Variants in SYNJ2 observed in about 807,000 individuals in gnomAD.
SYNJ2 encodes polyphosphatidylinositol phosphatase SYNJ2.
In SYNJ2, 116 loss-of-function variants were observed where a neutral mutation model predicts 141.3. The observed-to-expected ratio is 0.82, with a 90% CI of 0.71 to 0.96. The LOEUF is 0.96. Among genes scored for constraint, SYNJ2 ranks in the 40% least tolerant of loss-of-function variants. The probability of loss-of-function intolerance (pLI) is 0.00; values close to 1 mark genes in which losing one functional copy is unlikely to be tolerated. For missense variants in SYNJ2, 1,873 were observed against 1,934.8 expected (o/e 0.97, Z 0.60); for synonymous variants, 745 against 777.7 (o/e 0.96, Z 0.70).
At chr6:158,091,113 C>T (rs934668663) in intron 25 of SYNJ2, among the ~76,000 whole-genome samples, 36 of 151,066 alleles carry the variant, frequency 2.4e-4, no homozygotes, top group African/African-American at 8.0e-4. Context: ...GACAGGAAAT[C>T]GAGACCATCC....
intron 12 of SYNJ2, chr6:158,067,687 T>C: frequency 1.0e-6 from 1 of 985,406 alleles, no homozygotes. Flanking sequence ...GCCCCACAGC[T>C]GCCTGGGTAG....
In SYNJ2 at chr6:158,095,227, AC is replaced by A. The variant is rs199899469; in HGVS notation, c.3745-388del. 6.8e-4 allele frequency among the ~76,000 whole-genome samples: 103 copies of A among 152,214 alleles called. 1 individual carries two copies. The East Asian group carries it at 0.016, about 23-fold the overall frequency. Reference sequence around the variant, plus strand: ...CTTATGTTGTAACACAAGTTACTTCACCCTAGCATGATACAGACCATGAATC... The same window carrying A: ...CTTATGTTGTAACACAAGTTACTTCACCTAGCATGATACAGACCATGAATC... On this transcript the variant is annotated intron_variant, in intron 26 of 26. Transcript: ENST00000355585.
chr6:158,089,860 A>G lies in SYNJ2; in HGVS notation c.3478A>G (p.Ser1160Gly), dbSNP rs772466864. The G allele has an allele frequency of 6.2e-7, 1 of 1,613,902 alleles. No individual in the cohort carries two copies. The highest frequency in any genetic ancestry group is 8.5e-7 in the Non-Finnish European group (1 of 1,179,950). ...QQPPKARTGI[S>G]KPYNVKQIKT... ...CAAGCCCAAGGCTCGGACTGGAATAAGTAAACCTTATAATGTCAAGCAGAT... is the reference window on the plus strand; with the variant it reads ...CAAGCCCAAGGCTCGGACTGGAATAGGTAAACCTTATAATGTCAAGCAGAT... The change falls in exon 25 of 27, where the codon AGT becomes GGT. Residue 1160 changes from serine (S) to glycine (G), a missense_variant. Coordinates refer to ENST00000355585, the MANE Select transcript of SYNJ2 (RefSeq NM_003898.4).
intron 20 of SYNJ2, among the ~76,000 whole-genome samples, chr6:158,082,487 CAAAAAAAAA>C (rs769884420): frequency 1.9e-4 from 14 of 75,314 alleles, no homozygotes; most frequent in African/African-American, 6.1e-4. Flanking sequence ...ACTCTGTCTC[CAAAAAAAAA>C]AAAAAAAAAA....
intron 1 of SYNJ2, among the ~76,000 whole-genome samples, chr6:158,004,875 G>A (rs909281974): frequency 6.6e-6 from 1 of 151,424 alleles, no homozygotes; most frequent in Non-Finnish European, 1.5e-5. Flanking sequence ...TGAGTCTGGC[G>A]CTTGTTCTTG....
At position 158,029,014 on chromosome 6, in the gene SYNJ2, A is replaced by T. The variant is rs746897372; in HGVS notation, c.473A>T (p.Asn158Ile). ...KQGDDSSEWG[N>I]SFFWNQLLHV... is the part of the protein sequence containing the mutation. The stretch of plus-strand genomic sequence containing the variant: ...GGGGATGACAGCTCTGAATGGGGGA[A>T]CTCCTTCTTCTGGTGAGGCCCTGGG... The change falls in exon 3 of 27, where the codon AAC (asparagine) becomes ATC (isoleucine). Residue 158 changes from asparagine (N) to isoleucine (I), a missense_variant. Asn to Ile is a moderately radical substitution (Grantham distance 149). Coordinates refer to ENST00000355585, the MANE Select transcript of SYNJ2 (RefSeq NM_003898.4). 2.1e-6 allele frequency: 3 copies of T among 1,431,336 alleles called. No individual in the cohort carries two copies. Among genetic ancestry groups the T allele is most frequent in the Non-Finnish European group, 2.8e-6 (3 of 1,089,694 alleles). The allele number at this position is 1,431,336 out of a possible 1,614,324, so 88.7% of individuals were successfully genotyped here. A position where few individuals can be genotyped will look rare whatever the true frequency, so the allele number is the denominator to read the frequency against.
Position 158,037,969 on chromosome 6 carries a change from G to A in SYNJ2, c.711+4289G>A, listed in dbSNP as rs916722594. Among the ~76,000 whole-genome samples the A allele has an allele frequency of 2.0e-5, 3 of 152,204 alleles. 1 individual carries two copies. Among genetic ancestry groups the A allele is most frequent in the African/African-American group, 7.2e-5 (3 of 41,448 alleles). The stretch of plus-strand genomic sequence containing the variant: ...GCTGGGCCTTGGCTCTGGCCACTTC[G>A]TGTCGCGTGCCTGCTGACTGGCGCT... On this transcript the variant is annotated intron_variant, in intron 4 of 26. Coordinates refer to ENST00000355585, the MANE Select transcript of SYNJ2 (RefSeq NM_003898.4).
chr6:158,076,510 A>G (rs1782298757), intron 16 of SYNJ2, 116 bp from the exon 17 acceptor site: 1 of 1,181,780 alleles, frequency 8.5e-7, no homozygotes, highest in African/African-American at 1.5e-5. Flanking sequence ...TTCAAATGTA[A>G]TGGAGCTTCT....
intron 1 of SYNJ2, among the ~76,000 whole-genome samples, chr6:158,011,434 A>G (rs1465718110): frequency 2.6e-5 from 4 of 152,204 alleles, no homozygotes; most frequent in African/African-American, 7.2e-5. Flanking sequence ...CCTGTCCACC[A>G]TGGTCAAGGC....
chr6:158,083,055 C>A (rs1782801183), intron 20 of SYNJ2, among the ~76,000 whole-genome samples: 1 of 151,976 alleles, frequency 6.6e-6, no homozygotes, highest in South Asian at 2.1e-4. Flanking sequence ...GCCTCAGCCT[C>A]CCGAGTAGCT....
At chr6:158,019,655 G>A (rs1778655739) in intron 2 of SYNJ2, among the ~76,000 whole-genome samples, 1 of 152,214 alleles carries the variant, frequency 6.6e-6, no homozygotes, top group African/African-American at 2.4e-5. Context: ...GAGGCTTCTT[G>A]TGGACCATGC....
chr6:158,000,491 G>A (rs1777804653), intron 1 of SYNJ2, among the ~76,000 whole-genome samples: 2 of 152,260 alleles, frequency 1.3e-5, no homozygotes, highest in South Asian at 4.1e-4. Flanking sequence ...TCTAACCCAG[G>A]TGAGAAAACA....
Position 158,040,242 on chromosome 6 carries a change from ATGTGCAT to A in SYNJ2, c.712-3065_712-3059del, listed in dbSNP as rs1562348312. The stretch of plus-strand genomic sequence containing the variant: ...TGTGTTGTACATGTGTGTATGTGTC[ATGTGCAT>A]TGTGCATTTGTGTATACATGTGTGT... On this transcript the variant is annotated intron_variant, in intron 4 of 26. Transcript: ENST00000355585. The surrounding 1 kb of genome is among the most constrained non-coding windows in gnomAD (Gnocchi z 4.2). Among the ~76,000 whole-genome samples, 1 of 151,872 alleles carries A rather than the reference ATGTGCAT, an allele frequency of 6.6e-6. No homozygotes were observed. Among genetic ancestry groups the A allele is most frequent in the Non-Finnish European group, 1.5e-5 (1 of 67,996 alleles).
chr6:158,031,866 T>G (rs1779382663), intron 3 of SYNJ2, among the ~76,000 whole-genome samples: 1 of 152,182 alleles, frequency 6.6e-6, no homozygotes, highest in African/African-American at 2.4e-5. Context: ...GGTTGTCCAC[T>G]TGGCAAAAGG....
At chr6:157,987,950 A>G (rs1251643323) in intron 1 of SYNJ2, among the ~76,000 whole-genome samples, 1 of 152,214 alleles carries the variant, frequency 6.6e-6, no homozygotes, top group African/African-American at 2.4e-5. Flanking sequence ...TCTGCTGGTG[A>G]GCTCGGGAGG....
At chr6:158,004,902 C>T (rs900784563) in intron 1 of SYNJ2, among the ~76,000 whole-genome samples, 2 of 151,950 alleles carry the variant, frequency 1.3e-5, no homozygotes, top group Admixed American at 6.6e-5. Context: ...TCAGTGGCCA[C>T]GTCGTTGATC....
At chr6:158,076,464 A>G (rs1782294994) in intron 16 of SYNJ2, among the ~76,000 whole-genome samples, 162 bp from the exon 17 acceptor site, 1 of 152,158 alleles carries the variant, frequency 6.6e-6, no homozygotes, top group South Asian at 2.1e-4. Context: ...CTTTTTTGCT[A>G]ATTAAAAGAC....
chr6:158,051,775 C>T (rs1279301260), intron 5 of SYNJ2, among the ~76,000 whole-genome samples: 1 of 144,366 alleles, frequency 6.9e-6, no homozygotes, highest in Admixed American at 6.9e-5. Flanking sequence ...GGCGAAACCC[C>T]ATCTCTACAA....
chr6:158,043,442 C>T lies in SYNJ2; in HGVS notation c.795+43C>T, dbSNP rs369319198. Reference sequence around the variant, plus strand: ...TTAAATGTCCCCTTGTGATGTTGTCCGCCCTGCCCTTCCCTTCAATAGCTG... The same window carrying T: ...TTAAATGTCCCCTTGTGATGTTGTCTGCCCTGCCCTTCCCTTCAATAGCTG... On this transcript the variant is annotated intron_variant, in intron 5 of 26. Transcript: ENST00000355585. This position sits in a 1 kb window ranked among gnomAD's most constrained non-coding sequence, Gnocchi z 4.0. 1.5e-5 allele frequency: 21 copies of T among 1,421,632 alleles called. No homozygotes were observed. The highest frequency in any genetic ancestry group is 2.3e-5 in the East Asian group (1 of 43,800). 88.1% of individuals were successfully genotyped at this position (1,421,632 alleles called of 1,614,324 possible).
Sources: gnomAD v4.1 joint callset for allele counts (sites outside exome capture counted in the v4.1 genomes callset) on GRCh38, gnomAD v4.1.1 for gene constraint, Gnocchi (gnomAD v3.1) non-coding constraint, MANE v1.5 for transcripts, NCBI Gene and HGNC (gene_info 2026-07-23, HGNC 2026-07-21) for gene names.